POLA1: variants seen among roughly 807,000 people sequenced by gnomAD.
The protein encoded by POLA1 is DNA polymerase alpha 1, catalytic subunit, also known as DNA polymerase alpha catalytic subunit.
A neutral mutation model predicts 124.0 loss-of-function variants in POLA1; 15 were observed. That is an observed-to-expected ratio of 0.12 (90% CI 0.08 to 0.19). POLA1 has a LOEUF of 0.19. Ranked by LOEUF, POLA1 falls within the 10% of genes least tolerant of loss-of-function variation. The probability of loss-of-function intolerance (pLI) is 1.00; values close to 1 mark genes in which losing one functional copy is unlikely to be tolerated. For missense variants in POLA1, 886 were observed against 1,103.4 expected (o/e 0.80, Z 2.79); for synonymous variants, 408 against 389.4 (o/e 1.05, Z -0.56).
chrX:24,701,119 A>C (rs1015722365), intron 2 of POLA1, among the ~76,000 whole-genome samples: 7 of 111,718 alleles, frequency 6.3e-5, no homozygotes, highest in Non-Finnish European at 1.3e-4. Flanking sequence ...CCCAAAAAAG[A>C]AAGTTGGTCA....
chrX:24,797,083 A>G (rs1327605376), intron 26 of POLA1, among the ~76,000 whole-genome samples: 3 of 111,245 alleles, frequency 2.7e-5, no homozygotes, highest in Admixed American at 9.6e-5. Context: ...CTCCCTGGAC[A>G]CTGCCCCCCT....
chrX:24,852,533 C>A (rs1569338553), intron 34 of POLA1, among the ~76,000 whole-genome samples: 1 of 111,136 alleles, frequency 9.0e-6, no homozygotes, highest in Non-Finnish European at 1.9e-5. Flanking sequence ...TGATCTCGAA[C>A]TCCCGACCTC....
At chrX:24,795,578 T>C (rs2045592294) in intron 26 of POLA1, among the ~76,000 whole-genome samples, 1 of 111,107 alleles carries the variant, frequency 9.0e-6, no homozygotes, top group Admixed American at 9.6e-5. Context: ...GCCAGTGGTG[T>C]GTGACTTGTT....
chrX:24,704,543 C>A, intron 4 of POLA1, 74 bp downstream of exon 4: 1 of 664,254 alleles, frequency 1.5e-6, no homozygotes, highest in Non-Finnish European at 2.4e-6. Context: ...TGACTTGATA[C>A]TCTGATAGTT....
At chrX:24,786,520 A>G (rs936625752) in intron 26 of POLA1, among the ~76,000 whole-genome samples, 1 of 106,310 alleles carries the variant, frequency 9.4e-6, no homozygotes, top group Non-Finnish European at 1.9e-5. Context: ...ATTTTATTTT[A>G]TTTTTAGGGA....
chrX:24,900,887 A>AT (rs1180301556), intron 35 of POLA1, among the ~76,000 whole-genome samples: 1 of 111,403 alleles, frequency 9.0e-6, no homozygotes, highest in Non-Finnish European at 1.9e-5. Flanking sequence ...TTTTTATATT[A>AT]TTTCTTCCTT....
At chrX:24,862,741 A>G (rs1292114510) in intron 34 of POLA1, among the ~76,000 whole-genome samples, 22 of 112,218 alleles carry the variant, frequency 2.0e-4, no homozygotes, top group Admixed American at 1.9e-3. Flanking sequence ...CTTGAACTTA[A>G]CAGTTTGGGC....
At chrX:24,774,260 A>G (rs943861420) in intron 26 of POLA1, among the ~76,000 whole-genome samples, 11 of 111,353 alleles carry the variant, frequency 9.9e-5, no homozygotes, top group African/African-American at 3.6e-4. Context: ...ACAGTGGCCC[A>G]TTCCTCAGCT....
At chrX:24,754,551 G>A (rs912002082) in intron 26 of POLA1, among the ~76,000 whole-genome samples, 1 of 111,660 alleles carries the variant, frequency 9.0e-6, no homozygotes, top group Non-Finnish European at 1.9e-5. Flanking sequence ...ACCGCACCCC[G>A]CTGTGATCTC....
chrX:24,696,586 G>A (rs764926861), intron 1 of POLA1, among the ~76,000 whole-genome samples: 1 of 111,767 alleles, frequency 8.9e-6, no homozygotes, highest in South Asian at 3.8e-4. Flanking sequence ...GGCTGCAAGG[G>A]TGTCTGGGAA....
At chrX:24,886,497 A>G (rs766520326) in intron 34 of POLA1, among the ~76,000 whole-genome samples, 1 of 111,751 alleles carries the variant, frequency 8.9e-6, no homozygotes, top group African/African-American at 3.2e-5. Context: ...TTTTTGTGAT[A>G]GTCTTAAATG....
intron 33 of POLA1, 111 bp from the exon 34 acceptor site, chrX:24,843,435 A>G: frequency 6.0e-6 from 3 of 497,337 alleles, no homozygotes; most frequent in South Asian, 5.4e-5. Flanking sequence ...CAACTCACCA[A>G]TAAAACGAAT....
rs1441633258 is a variant in POLA1, at chrX:24,963,890, AGTT to A, written c.4262-31911_4262-31909del. On this transcript the variant is annotated intron_variant, in intron 36 of 36. Coordinates refer to ENST00000379068, the MANE Select transcript of POLA1 (RefSeq NM_001330360.2). ...TGCCAGTCTGTTTTGGCAGCGTAGAAGTTGTTTTCAAATCACTAAAACCCTCAT... is the reference window on the plus strand; with the variant it reads ...TGCCAGTCTGTTTTGGCAGCGTAGAAGTTTTCAAATCACTAAAACCCTCAT... 1.3e-4 allele frequency among the ~76,000 whole-genome samples: 15 copies of A among 111,861 alleles called. No individual in the cohort carries two copies. The East Asian group carries it at 4.2e-3, about 31-fold the overall frequency.
chrX:24,838,817 G>A (rs766680995), intron 32 of POLA1, among the ~76,000 whole-genome samples: 1 of 112,380 alleles, frequency 8.9e-6, no homozygotes, highest in South Asian at 3.7e-4. Context: ...ATCTCTACCT[G>A]TAGGTGGCAG....
At chrX:24,749,696 C>T (rs1244846010) in intron 26 of POLA1, among the ~76,000 whole-genome samples, 1 of 111,539 alleles carries the variant, frequency 9.0e-6, no homozygotes, top group Non-Finnish European at 1.9e-5. Flanking sequence ...GAATTCCAGA[C>T]ATAATAAGGA....
chrX:24,836,474 A>G (rs2046342639), intron 32 of POLA1, among the ~76,000 whole-genome samples: 1 of 112,142 alleles, frequency 8.9e-6, no homozygotes, highest in Non-Finnish European at 1.9e-5. Flanking sequence ...TACACTTCCT[A>G]CTAGCAGTGT....
At chrX:24,932,292 T>G (rs2147217108) in intron 36 of POLA1, among the ~76,000 whole-genome samples, 1 of 112,647 alleles carries the variant, frequency 8.9e-6, no homozygotes, top group East Asian at 2.8e-4. Context: ...GGCTCTAAAA[T>G]TCTTATCTGA....
intron 21 of POLA1, among the ~76,000 whole-genome samples, chrX:24,741,753 G>A (rs1387792864): frequency 1.8e-5 from 2 of 110,897 alleles, no homozygotes; most frequent in Middle Eastern, 4.6e-3. Flanking sequence ...CTTTTTAGTG[G>A]AATGGTCCAT....
chrX:24,867,125 CATTT>C (rs1660663803), intron 34 of POLA1, among the ~76,000 whole-genome samples: 2 of 110,847 alleles, frequency 1.8e-5, no homozygotes, highest in Admixed American at 9.6e-5. Flanking sequence ...ATTGTTTTGA[CATTT>C]ATAATTTTTG....
Sources: allele counts gnomAD v4.1 joint callset (sites outside exome capture counted in the v4.1 genomes callset), GRCh38; gene constraint gnomAD v4.1.1; transcripts MANE v1.5; gene names NCBI Gene and HGNC (gene_info 2026-07-23, HGNC 2026-07-21).